The following SUPT20H variants were observed in gnomAD, a reference collection of about 807,000 sequenced individuals.
SUPT20H encodes the protein transcription factor SPT20 homolog.
SUPT20H carries 82 observed loss-of-function variants against 122.8 expected under a neutral mutation model. The ratio of observed to expected loss-of-function variants is 0.67; its 90% CI spans 0.56 to 0.80. SUPT20H has a LOEUF of 0.80. SUPT20H is among the 30% of genes least tolerant of loss of function. The pLI, the probability that SUPT20H is intolerant of heterozygous loss-of-function variation, is 0.00. For missense variants in SUPT20H, 831 were observed against 921.6 expected (o/e 0.90, Z 1.27); for synonymous variants, 291 against 313.0 (o/e 0.93, Z 0.74).
In SUPT20H at chr13:37,022,924, A is replaced by T; in HGVS notation, c.1592-844T>A. 1 of 1,163,654 alleles carries T rather than the reference A, an allele frequency of 8.6e-7. No homozygotes were observed. The highest frequency in any genetic ancestry group is 1.1e-6 in the Non-Finnish European group (1 of 921,116). 72.1% of individuals were successfully genotyped at this position (1,163,654 alleles called of 1,614,324 possible). A position where few individuals can be genotyped will look rare whatever the true frequency, so the allele number is the denominator to read the frequency against. On this transcript the variant is annotated intron_variant, in intron 19 of 25. Coordinates refer to ENST00000350612, the MANE Select transcript of SUPT20H (RefSeq NM_001014286.3). This position sits in a 1 kb window ranked among gnomAD's most constrained non-coding sequence, Gnocchi z 4.5. ...CTGTTTAAATGTAGAATGTATAGAA[A>T]ATCTGTTGTGAATGAAGTATGCACA...
intron 1 of SUPT20H, among the ~76,000 whole-genome samples, chr13:37,055,561 C>T (rs969006583): frequency 1.3e-5 from 2 of 152,162 alleles, no homozygotes; most frequent in African/African-American, 4.8e-5. Context: ...ACTGGCTAGC[C>T]ATATGTAGAA....
chr13:37,030,281 T>C (rs1280142340), intron 12 of SUPT20H, among the ~76,000 whole-genome samples: 2 of 152,226 alleles, frequency 1.3e-5, no homozygotes, highest in East Asian at 3.8e-4. Flanking sequence ...ATATTAAAGC[T>C]GATCAAATTT....
chr13:37,028,088 A>G, intron 14 of SUPT20H, 60 bp downstream of exon 14: 1 of 1,435,150 alleles, frequency 7.0e-7, no homozygotes, highest in Non-Finnish European at 9.3e-7. Context: ...AGTAGTTACT[A>G]GATAAATTCT....
chr13:37,017,949 GA>G (rs1314075909), intron 22 of SUPT20H, among the ~76,000 whole-genome samples: 2 of 152,002 alleles, frequency 1.3e-5, no homozygotes, highest in Non-Finnish European at 2.9e-5. Context: ...GAAGCACTCA[GA>G]AAACTCCAGG....
At position 37,041,868 on chromosome 13, in the gene SUPT20H, A is replaced by T. The variant is rs138631946; in HGVS notation, c.397-1176T>A. On this transcript the variant is annotated intron_variant, in intron 7 of 25. Coordinates refer to ENST00000350612, the MANE Select transcript of SUPT20H (RefSeq NM_001014286.3). ...TTTTAGATAGTGATGAATTCTATAA[A>T]GGAAATCAAATAGGGAAGGGCTAAT... is the stretch of plus-strand genomic sequence containing the variant. 5.1e-3 allele frequency among the ~76,000 whole-genome samples: 773 copies of T among 152,346 alleles called. 6 individuals carry two copies. Among genetic ancestry groups the T allele is most frequent in the African/African-American group, 0.018 (734 of 41,574 alleles).
At chr13:37,017,170 G>A (rs374153621) in intron 23 of SUPT20H, 75 bp downstream of exon 23, 6 of 1,585,138 alleles carry the variant, frequency 3.8e-6, no homozygotes, top group East Asian at 4.5e-5. Flanking sequence ...CAAAGCAAAT[G>A]AAGTATGCTT....
rs1227319585 is a variant in SUPT20H at position 37,031,989 on chromosome 13, T to A, written c.708-94A>T. On this transcript the variant is annotated intron_variant, in intron 10 of 25. Coordinates refer to ENST00000350612, the MANE Select transcript of SUPT20H (RefSeq NM_001014286.3). ...CTAGTCAGTGCTGAATATGTACAAA[T>A]CGTGTTTATAGAACACTGCCACATG... The A allele has an allele frequency of 3.4e-6, 4 of 1,171,136 alleles. No homozygotes were observed. In the East Asian group the frequency reaches 1.1e-4, roughly 31 times the overall value. The allele number at this position is 1,171,136 out of a possible 1,614,324, so 72.5% of individuals were successfully genotyped here. A position where few individuals can be genotyped will look rare whatever the true frequency, so the allele number is the denominator to read the frequency against.
At chr13:37,014,137 CAAAAG>C (rs1199311118) in intron 23 of SUPT20H, among the ~76,000 whole-genome samples, 2 of 151,808 alleles carry the variant, frequency 1.3e-5, no homozygotes, top group Non-Finnish European at 2.9e-5. Flanking sequence ...TAACGTTAAT[CAAAAG>C]AAAGAAACAA....
At position 37,010,663 on chromosome 13, in the gene SUPT20H, G is replaced by A; in HGVS notation, c.2099-8C>T. The A allele has an allele frequency of 6.2e-7, 1 of 1,611,190 alleles. No individual in the cohort carries two copies. The highest frequency in any genetic ancestry group is 8.5e-7 in the Non-Finnish European group (1 of 1,177,810). ...AGCCAAGCTGAGACAACACTACAGA[G>A]AGGAGAAGGGGAAAGCAGGCCAGTC... On this transcript the variant is annotated splice_polypyrimidine_tract_variant and splice_region_variant and intron_variant, in intron 24 of 25. Transcript: ENST00000350612.
intron 5 of SUPT20H, among the ~76,000 whole-genome samples, chr13:37,045,582 G>A (rs1328491787): frequency 6.6e-6 from 1 of 152,032 alleles, no homozygotes; most frequent in Non-Finnish European, 1.5e-5. Flanking sequence ...TATGTTTTAT[G>A]CAAATTAATT....
At chr13:37,047,828 T>C in intron 4 of SUPT20H, 50 bp downstream of exon 4, 1 of 1,512,394 alleles carries the variant, frequency 6.6e-7, no homozygotes, top group Non-Finnish European at 9.0e-7. Context: ...AAAAGGTAGC[T>C]ATCATCATAT....
At chr13:37,025,235 C>T in intron 17 of SUPT20H, 85 bp downstream of exon 17, 2 of 1,192,996 alleles carry the variant, frequency 1.7e-6, no homozygotes, top group Non-Finnish European at 1.2e-6. Flanking sequence ...AGCCACTGTG[C>T]CTAGCCTCCA....
intron 1 of SUPT20H, chr13:37,051,785 C>T (rs748213249): frequency 3.3e-6 from 1 of 304,526 alleles, no homozygotes; most frequent in Non-Finnish European, 6.0e-6. Context: ...GTAGTTTCAA[C>T]TAGGAAAGGC....
intron 2 of SUPT20H, among the ~76,000 whole-genome samples, chr13:37,050,540 C>T (rs1242551897): frequency 1.3e-5 from 2 of 151,828 alleles, no homozygotes; most frequent in Non-Finnish European, 2.9e-5. Context: ...TTGTTTGTAT[C>T]AAAAAATTAT....
At chr13:37,015,633 T>TA (rs1236639573) in intron 23 of SUPT20H, among the ~76,000 whole-genome samples, 6 of 152,088 alleles carry the variant, frequency 3.9e-5, no homozygotes, top group Non-Finnish European at 5.9e-5. Context: ...TGATGCTTCT[T>TA]AAAAAATTAA....
intron 10 of SUPT20H, 89 bp downstream of exon 10, chr13:37,033,360 A>C: frequency 1.3e-6 from 2 of 1,487,666 alleles, no homozygotes; most frequent in Non-Finnish European, 1.8e-6. Context: ...AAATCGGAGC[A>C]ACCATACCCT....
chr13:37,040,729 T>G, intron 7 of SUPT20H, 37 bp from the exon 8 acceptor site: 1 of 1,525,370 alleles, frequency 6.6e-7, no homozygotes, highest in Non-Finnish European at 9.1e-7. Context: ...CATTTTTTTT[T>G]CCAAAAGCCT....
At position 37,024,366 on chromosome 13, in the gene SUPT20H, G is replaced by A. The variant is rs1474427138; in HGVS notation, c.1406C>T (p.Pro469Leu). ...VKHRPPPIKL[P>L]SSSGNSSSGN... ...TGAGGAACTATTTCCTGAGCTTGAG[G>A]GAAGTTTGATTGGTGGGGGTCGATG... Residue 469 changes from proline (P) to leucine (L), a missense_variant, in exon 18 of 26, where the codon CCC (proline) becomes CTC (leucine). Pro to Leu is a moderately conservative substitution (Grantham distance 98, BLOSUM62 -3). Transcript: ENST00000350612. 3 of 1,592,110 alleles carry A rather than the reference G, an allele frequency of 1.9e-6. No individual in the cohort carries two copies. Among genetic ancestry groups the A allele is most frequent in the Non-Finnish European group, 8.5e-7 (1 of 1,172,318 alleles).
rs1459728781 is a variant in SUPT20H, at chr13:37,022,688, TA to T, written c.1592-609del. Reference sequence around the variant, plus strand: ...GATTTCACTAATTCAAGACTTCATTTAAAAATATTGCTTATTTAGTGTAAAA... The same window carrying T: ...GATTTCACTAATTCAAGACTTCATTTAAAATATTGCTTATTTAGTGTAAAA... On this transcript the variant is annotated intron_variant, in intron 19 of 25. Coordinates refer to ENST00000350612, the MANE Select transcript of SUPT20H (RefSeq NM_001014286.3). The surrounding 1 kb of genome is among the most constrained non-coding windows in gnomAD (Gnocchi z 4.5). 6 of 995,282 alleles carry T rather than the reference TA, an allele frequency of 6.0e-6. No homozygotes were observed. Among genetic ancestry groups the T allele is most frequent in the Non-Finnish European group, 7.2e-6 (6 of 834,834 alleles). The allele number at this position is 995,282 out of a possible 1,614,324, so 61.7% of individuals were successfully genotyped here.
Sources: allele counts gnomAD v4.1 joint callset (sites outside exome capture counted in the v4.1 genomes callset), GRCh38; gene constraint gnomAD v4.1.1; non-coding constraint Gnocchi (gnomAD v3.1); transcripts MANE v1.5; gene names NCBI Gene and HGNC (gene_info 2026-07-23, HGNC 2026-07-21).